The following H2BN1 variants were observed in gnomAD, a reference collection of about 807,000 sequenced individuals.
H2BN1 encodes histone H2B.N.
the H2BN1 span, chr17:32,906,525 G>C: frequency 6.6e-6 from 1 of 152,206 alleles, no homozygotes; most frequent in Non-Finnish European, 1.5e-5. Flanking sequence ...TCTGGGTCCT[G>C]TGTTTTTGGC....
chr17:32,905,700 C>T, the H2BN1 span: 22 of 152,200 alleles, frequency 1.4e-4, no homozygotes, highest in African/African-American at 5.3e-4. Context: ...ATAAGATGTA[C>T]ATTGGTTCCA....
the H2BN1 span, among the ~76,000 whole-genome samples, chr17:32,895,572 C>A: frequency 6.6e-6 from 1 of 152,100 alleles, no homozygotes; most frequent in Admixed American, 6.6e-5. Context: ...AGGAAGGAAG[C>A]CTATTTTAGT....
chr17:32,900,572 T>G, the H2BN1 span, among the ~76,000 whole-genome samples: 2 of 152,088 alleles, frequency 1.3e-5, no homozygotes, highest in Admixed American at 6.5e-5. Flanking sequence ...ATAAACAGTA[T>G]GAAGGCAACT....
chr17:32,902,568 C>G, the H2BN1 span, among the ~76,000 whole-genome samples: 10 of 152,292 alleles, frequency 6.6e-5, no homozygotes, highest in African/African-American at 2.4e-4. Context: ...TGGCTGGGTG[C>G]AGTGGCTCAC....
the H2BN1 span, among the ~76,000 whole-genome samples, chr17:32,899,015 A>G: frequency 1.3e-5 from 2 of 152,344 alleles, no homozygotes; most frequent in East Asian, 3.9e-4. Context: ...GCCAAGAAAA[A>G]TTAGAATTTG....
the H2BN1 span, among the ~76,000 whole-genome samples, chr17:32,896,431 A>C: frequency 6.6e-6 from 1 of 152,198 alleles, no homozygotes; most frequent in South Asian, 2.1e-4. Flanking sequence ...CAATCAGGAA[A>C]ATCTTCCCCC....
At chr17:32,896,786 C>A in the H2BN1 span, among the ~76,000 whole-genome samples, 1 of 152,148 alleles carries the variant, frequency 6.6e-6, no homozygotes, top group African/African-American at 2.4e-5. Flanking sequence ...CCTCTATCTG[C>A]TACATGCCAG....
chr17:32,904,205 C>T, the H2BN1 span, among the ~76,000 whole-genome samples: 290 of 152,334 alleles, frequency 1.9e-3, 1 homozygote, highest in South Asian at 3.9e-3. Flanking sequence ...TGCCCTTTCT[C>T]TTCAGAGCTG....
chr17:32,900,889 T>C, the H2BN1 span, among the ~76,000 whole-genome samples: 1 of 152,052 alleles, frequency 6.6e-6, no homozygotes, highest in Non-Finnish European at 1.5e-5. Context: ...CCCTTGTTTT[T>C]AAAAATTTTA....
the H2BN1 span, among the ~76,000 whole-genome samples, chr17:32,901,082 C>T: frequency 6.6e-6 from 1 of 151,958 alleles, no homozygotes; most frequent in South Asian, 2.1e-4. Context: ...GTGGCATGTG[C>T]CTATAATCTC....
the H2BN1 span, among the ~76,000 whole-genome samples, chr17:32,900,552 A>G: frequency 3.3e-5 from 5 of 152,184 alleles, no homozygotes; most frequent in East Asian, 1.9e-4. Flanking sequence ...TTTCCAAACA[A>G]TAAGTCCTAA....
At chr17:32,898,298 G>A in the H2BN1 span, among the ~76,000 whole-genome samples, 1 of 152,200 alleles carries the variant, frequency 6.6e-6, no homozygotes, top group African/African-American at 2.4e-5. Context: ...GGTTCAGTCT[G>A]GAAAGGTGAG....
At chr17:32,902,948 G>C in the H2BN1 span, among the ~76,000 whole-genome samples, 85 of 152,160 alleles carry the variant, frequency 5.6e-4, no homozygotes, top group African/African-American at 2.0e-3. Flanking sequence ...TATTTGGCAG[G>C]GATAGAATGA....
At chr17:32,896,387 A>G in the H2BN1 span, among the ~76,000 whole-genome samples, 1 of 152,108 alleles carries the variant, frequency 6.6e-6, no homozygotes, top group African/African-American at 2.4e-5. Flanking sequence ...TGCCCACCCA[A>G]CTTCACCCCG....
At chr17:32,903,583 A>G in the H2BN1 span, among the ~76,000 whole-genome samples, 1 of 152,264 alleles carries the variant, frequency 6.6e-6, no homozygotes, top group South Asian at 2.1e-4. Context: ...CCAGCTTGCA[A>G]AATGAATATG....
At chr17:32,896,369 C>T in the H2BN1 span, among the ~76,000 whole-genome samples, 1 of 152,152 alleles carries the variant, frequency 6.6e-6, no homozygotes, top group Non-Finnish European at 1.5e-5. Context: ...ACCCTGGTTC[C>T]TTCCTCCTGC....
the H2BN1 span, among the ~76,000 whole-genome samples, chr17:32,903,167 T>C: frequency 2.0e-5 from 3 of 151,558 alleles, no homozygotes; most frequent in African/African-American, 7.2e-5. Flanking sequence ...TAGAGTTCTT[T>C]TATATATTTT....
the H2BN1 span, among the ~76,000 whole-genome samples, chr17:32,897,612 G>A: frequency 6.6e-6 from 1 of 152,204 alleles, no homozygotes; most frequent in Admixed American, 6.5e-5. Flanking sequence ...TCAGTGGGAG[G>A]AGGAACTTAG....
chr17:32,903,013 T>C, the H2BN1 span, among the ~76,000 whole-genome samples: 47 of 152,278 alleles, frequency 3.1e-4, no homozygotes, highest in African/African-American at 9.9e-4. Context: ...TATTAAGACA[T>C]TTCTAATATT....
Sources: allele counts gnomAD v4.1 joint callset (sites outside exome capture counted in the v4.1 genomes callset), GRCh38; gene constraint gnomAD v4.1.1; transcripts MANE v1.5; gene names NCBI Gene and HGNC (gene_info 2026-07-23, HGNC 2026-07-21).